The following ZNF718 variants were observed in gnomAD, a reference collection of about 807,000 sequenced individuals.
ZNF718 encodes zinc finger protein 718.
ZNF718 carries 3 observed loss-of-function variants against 2.6 expected under a neutral mutation model. The ratio of observed to expected loss-of-function variants is 1.16; its 90% confidence interval spans 0.53 to 3.01. The LOEUF (loss-of-function observed/expected upper bound fraction) is 3.01, where lower values mean the gene tolerates loss of function less well. Ranked by LOEUF, ZNF718 falls within the 30% of genes most tolerant of loss-of-function variation. The pLI, the probability that ZNF718 is intolerant of heterozygous loss-of-function variation, is 0.03. For missense variants in ZNF718, 468 were observed against 230.0 expected (o/e 2.03, Z -6.69); for synonymous variants, 135 against 77.9 (o/e 1.73, Z -3.86).
chr4:150,344 ATTC>A (rs1324243389), intron 3 of ZNF718: 3 of 152,156 alleles, frequency 2.0e-5, no homozygotes, highest in Non-Finnish European at 4.4e-5. Flanking sequence ...TGCTTTGAAT[ATTC>A]TTGGGATATT....
chr4:172,670 A>G (rs1266227383), intron 3 of ZNF718, among the ~76,000 whole-genome samples: 3 of 152,220 alleles, frequency 2.0e-5, no homozygotes, highest in Admixed American at 6.5e-5. Context: ...TTCAAACAAA[A>G]TAAATGATTA....
downstream of ZNF718, among the ~76,000 whole-genome samples, chr4:168,842 C>T (rs1420226211): frequency 3.9e-5 from 6 of 152,112 alleles, no homozygotes; most frequent in African/African-American, 1.2e-4. Flanking sequence ...CTTTTTGTGT[C>T]TCTATCTCCT....
intron 3 of ZNF718, among the ~76,000 whole-genome samples, chr4:178,971 A>G (rs548137695): frequency 6.6e-6 from 1 of 152,322 alleles, no homozygotes; most frequent in East Asian, 1.9e-4. Context: ...TGTGAAAATT[A>G]ATGTTATTAT....
At chr4:170,844 A>T (rs1360658173) in intron 3 of ZNF718, among the ~76,000 whole-genome samples, 1 of 151,936 alleles carries the variant, frequency 6.6e-6, no homozygotes, top group East Asian at 1.9e-4. Context: ...TCTTGTCTCA[A>T]CTCATCAAAG....
intron 3 of ZNF718, among the ~76,000 whole-genome samples, chr4:157,890 A>G (rs1553813997): frequency 6.6e-6 from 1 of 152,032 alleles, no homozygotes; most frequent in Admixed American, 6.5e-5. Flanking sequence ...CCTTATGAAT[A>G]TTGTCTTTTT....
At position 161,831 on chromosome 4, in the gene ZNF718, T is replaced by G; in HGVS notation, c.1146T>G (p.Leu382=). 1 of 780,742 alleles carries G rather than the reference T, an allele frequency of 1.3e-6. No individual in the cohort carries two copies. The highest frequency in any genetic ancestry group is 2.4e-6 in the Non-Finnish European group (1 of 417,988). The allele number at this position is 780,742 out of a possible 1,614,324, so 48.4% of individuals were successfully genotyped here. The part of the protein sequence containing the change: ...CGKAFNWSST[L]NVHKRIHSGK... ...AAGCCTTTAATTGGTCCTCAACCCT[T>G]AATGTACACAAGAGAATTCACTCTG... Residue 382 remains leucine, a synonymous_variant, in exon 4 of 4, where the codon CTT becomes CTG. Coordinates refer to ENST00000510175, the MANE Select transcript of ZNF718 (RefSeq NM_001039127.6).
chr4:168,819 A>C (rs1388245477), downstream of ZNF718, among the ~76,000 whole-genome samples: 7 of 152,008 alleles, frequency 4.6e-5, no homozygotes, highest in South Asian at 2.1e-4. Context: ...GGATTCATTG[A>C]TTTTTTGAAG....
chr4:141,299 T>C (rs1034226088), intron 3 of ZNF718, among the ~76,000 whole-genome samples: 37 of 152,198 alleles, frequency 2.4e-4, no homozygotes, highest in African/African-American at 8.4e-4. Flanking sequence ...GCAAAAAATG[T>C]GGGAAAAGTT....
chr4:188,557 TC>T lies in ZNF718; in HGVS notation c.227-12521del, dbSNP rs559814163. Among the ~76,000 whole-genome samples, 8 of 152,250 alleles carry T rather than the reference TC, an allele frequency of 5.3e-5. No individual in the cohort carries two copies. In the South Asian group the frequency reaches 1.7e-3, roughly 32 times the overall value. On this transcript the variant is annotated intron_variant and NMD_transcript_variant, in intron 3 of 4. Coordinates refer to the ZNF718 transcript ENST00000642529. The stretch of plus-strand genomic sequence containing the variant: ...CTCTTCCTGGAGGCATGCACTGACC[TC>T]CCACCTTGTCTGAGTTGCAGTCACC...
Position 162,147 on chromosome 4 carries a change from T to A in ZNF718, c.*25T>A. The A allele has an allele frequency of 1.5e-6, 1 of 685,260 alleles. No individual in the cohort carries two copies. The highest frequency in any genetic ancestry group is 1.8e-5 in the South Asian group (1 of 56,964). The allele number at this position is 685,260 out of a possible 1,614,324, so 42.4% of individuals were successfully genotyped here. On this transcript the variant is annotated 3_prime_UTR_variant, in exon 4 of 4. Coordinates refer to ENST00000510175, the MANE Select transcript of ZNF718 (RefSeq NM_001039127.6). ...GAAATGTGAAGAATGTGGGAGCCTTTAAGTCTTCCTCAGTCTTTTCTAATC... is the reference window on the plus strand; with the variant it reads ...GAAATGTGAAGAATGTGGGAGCCTTAAAGTCTTCCTCAGTCTTTTCTAATC...
downstream of ZNF718, among the ~76,000 whole-genome samples, chr4:164,770 A>G (rs57894151): frequency 0.013 from 1,936 of 152,244 alleles, 48 homozygotes; most frequent in African/African-American, 0.044. Context: ...AATTGAGTTT[A>G]TTTATTGGGC....
At chr4:174,709 G>A (rs1461567509) in intron 3 of ZNF718, among the ~76,000 whole-genome samples, 1 of 152,144 alleles carries the variant, frequency 6.6e-6, no homozygotes, top group African/African-American at 2.4e-5. Flanking sequence ...TACTGGCTGG[G>A]TTGAAGAATC....
chr4:144,378 T>G (rs1371448879), intron 3 of ZNF718, among the ~76,000 whole-genome samples: 1 of 152,232 alleles, frequency 6.6e-6, no homozygotes, highest in African/African-American at 2.4e-5. Flanking sequence ...CTCTACTGTT[T>G]TACTGATCAG....
At position 176,512 on chromosome 4, in the gene ZNF718, A is replaced by T. The variant is rs138783657; in HGVS notation, c.227-24569A>T. Among the ~76,000 whole-genome samples, 231 of 152,274 alleles carry T rather than the reference A, an allele frequency of 1.5e-3. 7 individuals are homozygous for T. In the East Asian group the frequency reaches 0.043, roughly 28 times the overall value. ...TGACCCAGCATAATGCAACACATCC[A>T]GCACCACTATTAATACCCCACAAGC... On this transcript the variant is annotated intron_variant and NMD_transcript_variant, in intron 3 of 4. Transcript: ENST00000642529.
intron 1 of ZNF718, 33 bp from the exon 2 acceptor site, chr4:130,754 AG>A: frequency 3.2e-6 from 1 of 310,142 alleles, no homozygotes; most frequent in South Asian, 5.7e-5. Context: ...AAAAAAAAAA[AG>A]AATTCTGTCA....
At chr4:137,767 CT>C (rs1715635625) in intron 3 of ZNF718, among the ~76,000 whole-genome samples, 1 of 150,930 alleles carries the variant, frequency 6.6e-6, no homozygotes, top group Non-Finnish European at 1.5e-5. Context: ...TTTTTTCTTA[CT>C]CGGGACTGAC....
rs1350570328 is a variant in ZNF718, at chr4:129,361, A to G, written c.4-1427A>G. Among the ~76,000 whole-genome samples, 5 of 103,748 alleles carry G rather than the reference A, an allele frequency of 4.8e-5. 2 individuals are homozygous for G. The highest frequency in any genetic ancestry group is 6.4e-5 in the Non-Finnish European group (3 of 46,612). 68.1% of individuals were successfully genotyped at this position (103,748 alleles called of 152,430 possible). On this transcript the variant is annotated intron_variant, in intron 1 of 3. Transcript: ENST00000510175. ...TTACGGGCATAGAGAGCAGATGCCTAGGGCCCACCTTCTGTCCCAGTTCTG... is the reference window on the plus strand; with the variant it reads ...TTACGGGCATAGAGAGCAGATGCCTGGGGCCCACCTTCTGTCCCAGTTCTG...
rs1211614443 is a variant in ZNF718 at position 127,982 on chromosome 4, T to C, written c.4-2806T>C. ...TCTTCAAGCTTTGGCCCCAGAAAAC[T>C]CTCTACTTATATTATGTTTATCCCA... On this transcript the variant is annotated intron_variant, in intron 1 of 3. Coordinates refer to ENST00000510175, the MANE Select transcript of ZNF718 (RefSeq NM_001039127.6). Among the ~76,000 whole-genome samples, 4 of 104,686 alleles carry C rather than the reference T, an allele frequency of 3.8e-5. 1 individual carries two copies. The highest frequency in any genetic ancestry group is 8.5e-5 in the Non-Finnish European group (4 of 46,858). 68.7% of individuals were successfully genotyped at this position (104,686 alleles called of 152,430 possible).
intron 3 of ZNF718, among the ~76,000 whole-genome samples, chr4:173,096 C>T (rs1553818409): frequency 6.6e-6 from 1 of 152,020 alleles, no homozygotes; most frequent in African/African-American, 2.4e-5. Context: ...AGGAGAAATA[C>T]TTCCTGTATT....
Sources: gnomAD v4.1 joint callset for allele counts (sites outside exome capture counted in the v4.1 genomes callset) on GRCh38, gnomAD v4.1.1 for gene constraint, MANE v1.5 for transcripts, NCBI Gene and HGNC (gene_info 2026-07-23, HGNC 2026-07-21) for gene names.